The following GALNTL6 variants were observed in gnomAD, a reference collection of about 807,000 sequenced individuals.
GALNTL6 encodes polypeptide N-acetylgalactosaminyltransferase like 6.
Under a neutral mutation model 73.7 loss-of-function variants are expected in GALNTL6, and 46 were observed. The ratio of observed to expected loss-of-function variants is 0.62; its 90% CI spans 0.49 to 0.80. The LOEUF (loss-of-function observed/expected upper bound fraction) is 0.80. GALNTL6 is among the 30% of genes least tolerant of loss of function. GALNTL6 has a pLI of 0.00. For missense variants in GALNTL6, 604 were observed against 755.0 expected (o/e 0.80, Z 2.34); for synonymous variants, 259 against 263.7 (o/e 0.98, Z 0.17).
At chr4:172,603,346 A>T (rs1323360319) in intron 5 of GALNTL6, among the ~76,000 whole-genome samples, 1 of 152,218 alleles carries the variant, frequency 6.6e-6, no homozygotes, top group African/African-American at 2.4e-5. Context: ...TTGTATGGCA[A>T]GCCAGCTAAC....
At chr4:172,726,509 C>T (rs368214559) in intron 5 of GALNTL6, among the ~76,000 whole-genome samples, 3 of 152,188 alleles carry the variant, frequency 2.0e-5, no homozygotes, top group African/African-American at 7.2e-5. Flanking sequence ...ACTCTCAGAT[C>T]TTCCAAGAGA....
intron 5 of GALNTL6, among the ~76,000 whole-genome samples, chr4:172,628,490 G>T (rs34903233): frequency 0.12 from 17,625 of 151,988 alleles, 1,239 homozygotes; most frequent in African/African-American, 0.19. Flanking sequence ...CCAGCACTTT[G>T]GGAGGCAGAG....
intron 2 of GALNTL6, among the ~76,000 whole-genome samples, chr4:171,923,548 G>A (rs1737864600): frequency 6.8e-6 from 1 of 147,016 alleles, no homozygotes; most frequent in African/African-American, 2.5e-5. Context: ...CAGGTGCCCG[G>A]CACCACTCCC....
At chr4:172,130,382 G>T (rs1733455683) in intron 2 of GALNTL6, among the ~76,000 whole-genome samples, 1 of 151,642 alleles carries the variant, frequency 6.6e-6, no homozygotes, top group African/African-American at 2.4e-5. Flanking sequence ...CAGGTAATCT[G>T]TAAAAAGATA....
intron 5 of GALNTL6, among the ~76,000 whole-genome samples, chr4:172,482,335 G>A (rs1419102155): frequency 6.6e-6 from 1 of 152,254 alleles, no homozygotes; most frequent in East Asian, 1.9e-4. Flanking sequence ...ACAGCAACGG[G>A]CTGAAGGGCT....
At chr4:172,337,702 T>G (rs1401970529) in intron 4 of GALNTL6, among the ~76,000 whole-genome samples, 1 of 151,424 alleles carries the variant, frequency 6.6e-6, no homozygotes, top group East Asian at 1.9e-4. Flanking sequence ...GGTTTTTTGT[T>G]TTTTTTTTTC....
At chr4:171,825,849 T>C (rs1457649547) in intron 2 of GALNTL6, among the ~76,000 whole-genome samples, 2 of 152,158 alleles carry the variant, frequency 1.3e-5, no homozygotes, top group African/African-American at 4.8e-5. Flanking sequence ...TAAAAAACAT[T>C]CTGTTGAACA....
chr4:172,900,725 AG>A (rs1331800559), intron 8 of GALNTL6, among the ~76,000 whole-genome samples: 2 of 152,180 alleles, frequency 1.3e-5, no homozygotes, highest in Non-Finnish European at 2.9e-5. Flanking sequence ...ACAGTTCAAG[AG>A]GTTTTTTTCT....
At chr4:172,438,383 T>C (rs903356146) in intron 5 of GALNTL6, among the ~76,000 whole-genome samples, 2 of 152,012 alleles carry the variant, frequency 1.3e-5, no homozygotes, top group Non-Finnish European at 2.9e-5. Flanking sequence ...TTATTTCATG[T>C]AGTACTCTGA....
At chr4:172,054,733 T>C (rs56772460) in intron 2 of GALNTL6, among the ~76,000 whole-genome samples, 3,673 of 152,254 alleles carry the variant, frequency 0.024, 157 homozygotes, top group African/African-American at 0.079. Context: ...CAGTTTAAAG[T>C]ACAAAAGTAA....
At chr4:172,959,366 G>T (rs190384805) in intron 10 of GALNTL6, among the ~76,000 whole-genome samples, 1 of 152,082 alleles carries the variant, frequency 6.6e-6, no homozygotes, top group African/African-American at 2.4e-5. Flanking sequence ...GGCAGGTGGG[G>T]ATAACTAAAA....
At chr4:172,220,831 T>C (rs1736647461) in intron 2 of GALNTL6, among the ~76,000 whole-genome samples, 1 of 151,886 alleles carries the variant, frequency 6.6e-6, no homozygotes, top group Admixed American at 6.6e-5. Context: ...AGTAAAGACC[T>C]AATTGAAGAC....
At chr4:171,870,907 T>C (rs1736117244) in intron 2 of GALNTL6, among the ~76,000 whole-genome samples, 1 of 152,160 alleles carries the variant, frequency 6.6e-6, no homozygotes, top group Non-Finnish European at 1.5e-5. Flanking sequence ...ATGGATTTCT[T>C]GTGTTTATTG....
intron 5 of GALNTL6, among the ~76,000 whole-genome samples, chr4:172,662,207 G>A (rs115672894): frequency 0.014 from 2,084 of 152,302 alleles, 38 homozygotes; most frequent in African/African-American, 0.045. Flanking sequence ...GAAAAGAAGA[G>A]GGATCATTTC....
At chr4:172,611,273 A>G (rs948352319) in intron 5 of GALNTL6, among the ~76,000 whole-genome samples, 9 of 152,020 alleles carry the variant, frequency 5.9e-5, no homozygotes, top group African/African-American at 2.2e-4. Flanking sequence ...GCTTTATAGT[A>G]TCAGTGGTCT....
intron 2 of GALNTL6, among the ~76,000 whole-genome samples, chr4:172,004,530 C>A (rs1396887324): frequency 6.6e-6 from 1 of 151,722 alleles, no homozygotes; most frequent in Non-Finnish European, 1.5e-5. Context: ...CTCAGTTTTA[C>A]TAATTATTTA....
chr4:173,015,437 T>G (rs563858000), intron 11 of GALNTL6, among the ~76,000 whole-genome samples: 30 of 152,324 alleles, frequency 2.0e-4, no homozygotes, highest in African/African-American at 7.2e-4. Context: ...CAGGAAAGTT[T>G]GGAACTTCCT....
intron 5 of GALNTL6, among the ~76,000 whole-genome samples, chr4:172,552,163 C>T (rs774265275): frequency 6.6e-6 from 1 of 152,090 alleles, no homozygotes; most frequent in Non-Finnish European, 1.5e-5. Flanking sequence ...CCCTTGGGAA[C>T]TCAATAGATA....
chr4:172,770,689 T>C (rs1259592971), intron 5 of GALNTL6, among the ~76,000 whole-genome samples: 1 of 152,212 alleles, frequency 6.6e-6, no homozygotes, highest in Non-Finnish European at 1.5e-5. Context: ...TTAATTGACT[T>C]TTATGCTGAA....
Sources: allele counts gnomAD v4.1 joint callset (sites outside exome capture counted in the v4.1 genomes callset), GRCh38; gene constraint gnomAD v4.1.1; transcripts MANE v1.5; gene names NCBI Gene and HGNC (gene_info 2026-07-23, HGNC 2026-07-21).